Variants in HEPHL1 observed in about 807,000 individuals in gnomAD.
HEPHL1 encodes hephaestin like 1.
Under a neutral mutation model 122.0 loss-of-function variants are expected in HEPHL1, and 123 were observed. That is an observed-to-expected ratio of 1.01 (90% CI 0.87 to 1.17). The LOEUF is 1.17. Ranked by LOEUF, HEPHL1 falls within the 50% of genes most tolerant of loss-of-function variation. The pLI is 0.00. For missense variants in HEPHL1, 1,452 were observed against 1,430.5 expected, an observed-to-expected ratio of 1.01 and a Z score of -0.24; for synonymous variants, 527 against 508.9, an observed-to-expected ratio of 1.04 and a Z score of -0.48.
At position 94,099,064 on chromosome 11, in the gene HEPHL1, G is replaced by A. The variant is rs184584439; in HGVS notation, c.2435-2131G>A. Among the ~76,000 whole-genome samples, 289 of 152,316 alleles carry A rather than the reference G, an allele frequency of 1.9e-3. 2 individuals are homozygous for A. Among genetic ancestry groups the A allele is most frequent in the Non-Finnish European group, 2.5e-3 (172 of 68,038 alleles). ...TGTTCTGTTGCTGGCTAGGAGCTGCGTTCCTTTGGTGGGGGAGAGGCACTC... is the reference window on the plus strand; with the variant it reads ...TGTTCTGTTGCTGGCTAGGAGCTGCATTCCTTTGGTGGGGGAGAGGCACTC... On this transcript the variant is annotated intron_variant, in intron 13 of 19. Transcript: ENST00000315765.
chr11:94,043,454 C>T (rs1190986219), intron 1 of HEPHL1, among the ~76,000 whole-genome samples: 1 of 152,036 alleles, frequency 6.6e-6, no homozygotes, highest in African/African-American at 2.4e-5. Context: ...TGAATGATAT[C>T]AATTGGCCAG....
rs1286478076 is a variant in HEPHL1 at position 94,080,248 on chromosome 11, G to A, written c.1717-2170G>A. Among the ~76,000 whole-genome samples, 5 of 152,144 alleles carry A rather than the reference G, an allele frequency of 3.3e-5. No homozygotes were observed. The East Asian group carries it at 9.6e-4, about 29-fold the overall frequency. On this transcript the variant is annotated intron_variant, in intron 9 of 19. Transcript: ENST00000315765. Reference sequence around the variant, plus strand: ...TGGGAGAACTGGCTAGCCATATGCAGAAAATTGAAACTGGACCCCCTTCCT... The same window carrying A: ...TGGGAGAACTGGCTAGCCATATGCAAAAAATTGAAACTGGACCCCCTTCCT...
intron 12 of HEPHL1, among the ~76,000 whole-genome samples, chr11:94,090,475 G>A (rs374357259): frequency 6.6e-6 from 1 of 152,098 alleles, no homozygotes; most frequent in East Asian, 1.9e-4. Context: ...AGTCTTCTGA[G>A]ACTCCCTCCC....
At chr11:94,064,702 T>C (rs1282265390) in intron 4 of HEPHL1, among the ~76,000 whole-genome samples, 192 bp downstream of exon 4, 1 of 152,032 alleles carries the variant, frequency 6.6e-6, no homozygotes, top group Non-Finnish European at 1.5e-5. Flanking sequence ...GACAGAGCAG[T>C]GGATGCATGC....
intron 4 of HEPHL1, 73 bp from the exon 5 acceptor site, chr11:94,067,423 C>T (rs1451440136): frequency 6.8e-6 from 10 of 1,470,746 alleles, no homozygotes; most frequent in South Asian, 2.5e-5. Context: ...TGCTTAAGCC[C>T]GTATTACCAA....
chr11:94,067,454 T>C, intron 4 of HEPHL1, 42 bp from the exon 5 acceptor site: 1 of 1,598,582 alleles, frequency 6.3e-7, no homozygotes, highest in Non-Finnish European at 8.6e-7. Flanking sequence ...CCCAGTCGCC[T>C]CTGCAGGGGA....
At position 94,101,214 on chromosome 11, in the gene HEPHL1, G is replaced by C. The variant is rs773178569; in HGVS notation, c.2454G>C (p.Glu818Asp). The C allele has an allele frequency of 6.2e-7, 1 of 1,613,906 alleles. No homozygotes were observed. The highest frequency in any genetic ancestry group is 1.1e-5 in the South Asian group (1 of 91,066). ...CTTTAGGCCCAATGATTCATGCTGA[G>C]GTGGGCAACACCGTCCTGATCATAT... Reference protein sequence around the residue: ...LELLGPMIHAEVGNTVLIIFK... With the variant: ...LELLGPMIHADVGNTVLIIFK... Residue 818 changes from glutamate (E) to aspartate (D), a missense_variant, in exon 14 of 20, where the codon GAG (glutamate) becomes GAC (aspartate). By Grantham distance (45) the Glu-to-Asp change is conservative. Coordinates refer to ENST00000315765, the MANE Select transcript of HEPHL1 (RefSeq NM_001098672.2).
chr11:94,074,139 A>G (rs1946101405), intron 8 of HEPHL1, among the ~76,000 whole-genome samples: 2 of 152,074 alleles, frequency 1.3e-5, no homozygotes, highest in African/African-American at 4.8e-5. Context: ...TGCCAGGCCC[A>G]GTTGAGAACA....
intron 1 of HEPHL1, among the ~76,000 whole-genome samples, chr11:94,023,259 T>C (rs879284397): frequency 2.6e-5 from 4 of 152,178 alleles, no homozygotes; most frequent in Non-Finnish European, 4.4e-5. Flanking sequence ...TTAAAACAAC[T>C]TTGAGGGAAG....
chr11:94,055,808 A>G, intron 2 of HEPHL1: 1 of 433,528 alleles, frequency 2.3e-6, no homozygotes, highest in Non-Finnish European at 4.3e-6. Flanking sequence ...AGGATGAGAA[A>G]ATGAGTTCCT....
chr11:94,033,334 G>C (rs1458845075), intron 1 of HEPHL1, among the ~76,000 whole-genome samples: 2 of 152,140 alleles, frequency 1.3e-5, no homozygotes, highest in Non-Finnish European at 2.9e-5. Flanking sequence ...ATTTCTGAGA[G>C]CAGCTGGGTC....
chr11:94,089,030 G>T, intron 12 of HEPHL1, 62 bp downstream of exon 12: 1 of 1,442,180 alleles, frequency 6.9e-7, no homozygotes, highest in Non-Finnish European at 9.7e-7. Flanking sequence ...TAGGTCTTTA[G>T]TAAGTGTGGC....
chr11:94,094,616 C>A (rs1385579765), intron 13 of HEPHL1, among the ~76,000 whole-genome samples: 1 of 152,202 alleles, frequency 6.6e-6, no homozygotes, highest in Non-Finnish European at 1.5e-5. Flanking sequence ...GTCCCACCAA[C>A]AGTGTAAAAG....
chr11:94,091,130 TG>T (rs1360533682), intron 12 of HEPHL1, among the ~76,000 whole-genome samples: 1 of 152,250 alleles, frequency 6.6e-6, no homozygotes, highest in Non-Finnish European at 1.5e-5. Flanking sequence ...GCAGCTACTG[TG>T]GACCAGGCAT....
At chr11:94,096,115 C>T (rs1189338315) in intron 13 of HEPHL1, among the ~76,000 whole-genome samples, 11 of 152,268 alleles carry the variant, frequency 7.2e-5, no homozygotes, top group African/African-American at 2.6e-4. Context: ...AAAGGGAATG[C>T]TTCCAGTTTT....
intron 1 of HEPHL1, among the ~76,000 whole-genome samples, chr11:94,023,403 G>T (rs1945597825): frequency 6.6e-6 from 1 of 152,140 alleles, no homozygotes; most frequent in African/African-American, 2.4e-5. Flanking sequence ...CAAGTTATCT[G>T]GGTTAATTCA....
At chr11:94,104,475 A>G (rs1946393033) in intron 15 of HEPHL1, 53 bp from the exon 16 acceptor site, 1 of 1,253,078 alleles carries the variant, frequency 8.0e-7, no homozygotes, top group Non-Finnish European at 1.2e-6. Context: ...GTGGAATGAA[A>G]TATTATTAAA....
chr11:94,098,551 T>C (rs1318563386), intron 13 of HEPHL1, among the ~76,000 whole-genome samples: 1 of 152,244 alleles, frequency 6.6e-6, no homozygotes, highest in Non-Finnish European at 1.5e-5. Context: ...TGAATCTGAA[T>C]GTTGGCCTGC....
chr11:94,087,228 A>G (rs1451862764), intron 11 of HEPHL1, among the ~76,000 whole-genome samples: 2 of 152,172 alleles, frequency 1.3e-5, no homozygotes, highest in African/African-American at 4.8e-5. Flanking sequence ...CTTCAAGACC[A>G]AAGAGAGGAG....
Sources: allele counts gnomAD v4.1 joint callset (sites outside exome capture counted in the v4.1 genomes callset), GRCh38; gene constraint gnomAD v4.1.1; transcripts MANE v1.5; gene names NCBI Gene and HGNC (gene_info 2026-07-23, HGNC 2026-07-21).